The following ADGRL2 variants were observed in gnomAD, a reference collection of about 807,000 sequenced individuals.
The protein encoded by ADGRL2 is calcium-independent alpha-latrotoxin receptor 2.
In ADGRL2, 44 loss-of-function variants were observed where a neutral mutation model predicts 157.4. The observed-to-expected ratio is 0.28, with a 90% CI of 0.22 to 0.36. ADGRL2 has a LOEUF of 0.36. Ranked by LOEUF, ADGRL2 falls within the 10% of genes least tolerant of loss-of-function variation. The probability of loss-of-function intolerance (pLI) is 1.00; values close to 1 mark genes in which losing one functional copy is unlikely to be tolerated. For missense variants in ADGRL2, 1,510 were observed against 1,768.9 expected (o/e 0.85, Z 2.63); for synonymous variants, 585 against 624.7 (o/e 0.94, Z 0.95).
intron 1 of ADGRL2, among the ~76,000 whole-genome samples, chr1:81,392,246 G>T (rs1388428270): frequency 1.3e-5 from 2 of 149,898 alleles, no homozygotes; most frequent in Non-Finnish European, 3.0e-5. Flanking sequence ...AAACAAAGAA[G>T]CAACATTTTC....
At chr1:81,951,157 T>C (rs1319558828) in intron 8 of ADGRL2, 36 bp downstream of exon 8, 2 of 1,325,880 alleles carry the variant, frequency 1.5e-6, no homozygotes, top group Non-Finnish European at 2.2e-6. Context: ...ACATTGGTGA[T>C]TTAGGGCATT....
At chr1:81,922,656 C>G (rs914125027) in intron 3 of ADGRL2, among the ~76,000 whole-genome samples, 1 of 152,010 alleles carries the variant, frequency 6.6e-6, no homozygotes, top group Admixed American at 6.6e-5. Flanking sequence ...TATTTCTACA[C>G]TTTAGGATAT....
intron 3 of ADGRL2, among the ~76,000 whole-genome samples, chr1:81,685,377 ATT>A (rs35249825): frequency 1.0e-4 from 15 of 146,322 alleles, no homozygotes; most frequent in African/African-American, 3.2e-4. Context: ...ATTGCTAAGT[ATT>A]TTTTTTTTTT....
intron 1 of ADGRL2, among the ~76,000 whole-genome samples, chr1:81,368,790 A>G (rs2076111058): frequency 6.6e-6 from 1 of 151,926 alleles, no homozygotes; most frequent in South Asian, 2.1e-4. Flanking sequence ...CTTCCCCATC[A>G]CACCATTGTT....
chr1:81,447,184 A>G (rs1256948653), intron 2 of ADGRL2, among the ~76,000 whole-genome samples: 2 of 113,606 alleles, frequency 1.8e-5, no homozygotes, highest in Admixed American at 1.9e-4. Flanking sequence ...AAGTCATTAT[A>G]ATAGATACCA....
chr1:81,901,309 G>T (rs1057463913), intron 2 of ADGRL2, among the ~76,000 whole-genome samples: 1 of 151,594 alleles, frequency 6.6e-6, no homozygotes, highest in Non-Finnish European at 1.5e-5. Context: ...CAACAAATAC[G>T]TAGTCAGAGA....
At chr1:81,702,020 T>C (rs572246743) in intron 1 of ADGRL2, among the ~76,000 whole-genome samples, 13 of 152,330 alleles carry the variant, frequency 8.5e-5, no homozygotes, top group African/African-American at 3.1e-4. Context: ...AACCCTATTC[T>C]TGTGTAAGAT....
At chr1:81,837,468 T>C (rs1162175010) in intron 2 of ADGRL2, among the ~76,000 whole-genome samples, 3 of 151,968 alleles carry the variant, frequency 2.0e-5, no homozygotes, top group African/African-American at 7.2e-5. Flanking sequence ...TATGTAGTCT[T>C]TTATGAAAAC....
intron 2 of ADGRL2, among the ~76,000 whole-genome samples, chr1:81,786,954 G>A (rs2087077339): frequency 6.6e-6 from 1 of 152,152 alleles, no homozygotes; most frequent in Non-Finnish European, 1.5e-5. Context: ...TTGTGGGAGG[G>A]ACCCGGTAGG....
At chr1:81,312,443 G>A (rs552610676) in intron 1 of ADGRL2, among the ~76,000 whole-genome samples, 3 of 152,298 alleles carry the variant, frequency 2.0e-5, no homozygotes, top group Middle Eastern at 3.4e-3. Flanking sequence ...GGAGTTTGGG[G>A]TTCACAAACG....
rs1664570654 is a variant in ADGRL2 at position 81,991,345 on chromosome 1, AC to A, written c.*201del. 2.5e-6 allele frequency: 1 copy of A among 404,494 alleles called. No individual in the cohort carries two copies. The allele number at this position is 404,494 out of a possible 1,614,324, so 25.1% of individuals were successfully genotyped here. ...AAAACTTTGTATATACACAGAGTAT[AC>A]TAAAGTGAATTATTTGTTACAAAGA... On this transcript the variant is annotated 3_prime_UTR_variant, in exon 24 of 24. Transcript: ENST00000686636.
At position 81,708,916 on chromosome 1, in the gene ADGRL2, G is replaced by A. The variant is rs74345709; in HGVS notation, c.-143+9108G>A. On this transcript the variant is annotated intron_variant, in intron 1 of 20. Transcript: ENST00000359929. ...TTGAAACACATCAACTTACTTGCTC[G>A]TTAGATGGGTCCATTATTTTCCAAG... is the stretch of plus-strand genomic sequence containing the variant. Among the ~76,000 whole-genome samples the A allele has an allele frequency of 6.6e-5, 10 of 152,098 alleles. No homozygotes were observed. In the East Asian group the frequency reaches 7.7e-4, roughly 12 times the overall value.
chr1:81,454,195 T>C lies in ADGRL2; in HGVS notation c.-248+9106T>C, dbSNP rs565088686. 2.6e-3 allele frequency among the ~76,000 whole-genome samples: 390 copies of C among 152,278 alleles called. 1 individual carries two copies. Among genetic ancestry groups the C allele is most frequent in the Non-Finnish European group, 4.5e-3 (305 of 68,014 alleles). ...TTTTTTTTTTCTTTTTCTTCTTCCT[T>C]TTTTAATGCACTAGAAGCATTTGTC... On this transcript the variant is annotated intron_variant, in intron 2 of 24. Coordinates refer to the ADGRL2 transcript ENST00000370721.
intron 4 of ADGRL2, among the ~76,000 whole-genome samples, chr1:81,941,431 A>G (rs1343495638): frequency 6.6e-6 from 1 of 151,538 alleles, no homozygotes; most frequent in Non-Finnish European, 1.5e-5. Flanking sequence ...TAATAGAAAA[A>G]CAATTGAAAC....
At chr1:81,655,496 C>G (rs1174497622) in intron 3 of ADGRL2, among the ~76,000 whole-genome samples, 6 of 152,156 alleles carry the variant, frequency 3.9e-5, no homozygotes. Context: ...CCAGTTCCAT[C>G]TCTCCTACTT....
intron 2 of ADGRL2, among the ~76,000 whole-genome samples, chr1:81,571,186 A>G (rs2080680850): frequency 6.6e-6 from 1 of 151,748 alleles, no homozygotes; most frequent in Non-Finnish European, 1.5e-5. Flanking sequence ...TTAGCTGGGC[A>G]TGATGGCAGG....
intron 1 of ADGRL2, among the ~76,000 whole-genome samples, chr1:81,414,725 C>T (rs1428176922): frequency 6.6e-6 from 1 of 152,196 alleles, no homozygotes; most frequent in Admixed American, 6.5e-5. Flanking sequence ...TTAACAGCTG[C>T]TGAGTCTCAT....
In ADGRL2 at chr1:81,928,902, GA is replaced by G. The variant is rs897856495; in HGVS notation, c.288-7815del. Among the ~76,000 whole-genome samples the G allele has an allele frequency of 4.8e-4, 69 of 143,534 alleles. 1 individual carries two copies. The highest frequency in any genetic ancestry group is 3.3e-3 in the East Asian group (16 of 4,914). The allele number at this position is 143,534 out of a possible 152,430, so 94.2% of individuals were successfully genotyped here. On this transcript the variant is annotated intron_variant, in intron 3 of 23. Transcript: ENST00000686636. Reference sequence around the variant, plus strand: ...CTGAGACAGACAGAAAGTAACTCAGGAAAAAAAAAAAGTCTTACCATTGCTA... The same window carrying G: ...CTGAGACAGACAGAAAGTAACTCAGGAAAAAAAAAAGTCTTACCATTGCTA...
intron 3 of ADGRL2, among the ~76,000 whole-genome samples, chr1:81,633,043 G>T (rs575114184): frequency 6.6e-6 from 1 of 152,292 alleles, no homozygotes; most frequent in Admixed American, 6.5e-5. Context: ...TACAGAGGAG[G>T]TTTATCAGAC....
Sources: gnomAD v4.1 joint callset for allele counts (sites outside exome capture counted in the v4.1 genomes callset) on GRCh38, gnomAD v4.1.1 for gene constraint, MANE v1.5 for transcripts, NCBI Gene and HGNC (gene_info 2026-07-23, HGNC 2026-07-21) for gene names.